Variants in DDX21 observed in about 807,000 individuals in gnomAD.
The protein encoded by DDX21 is nucleolar RNA helicase 2.
A neutral mutation model predicts 90.0 loss-of-function variants in DDX21; 18 were observed. That is an observed-to-expected ratio of 0.20 (90% CI 0.14 to 0.30). DDX21 has a LOEUF of 0.30. Ranked by LOEUF, DDX21 falls within the 10% of genes least tolerant of loss-of-function variation. The pLI is 1.00. For synonymous variants in DDX21, 294 were observed against 318.0 expected, an observed-to-expected ratio of 0.92 and a Z score of 0.80; for missense variants, 673 against 944.5, an observed-to-expected ratio of 0.71 and a Z score of 3.77.
At chr10:68,963,968 CGG>C in intron 4 of DDX21, 1 of 200,024 alleles carries the variant, frequency 5.0e-6, no homozygotes, top group Non-Finnish European at 1.0e-5. Context: ...GGCGTGGTGG[CGG>C]GCGCGTGTAG....
chr10:68,957,500 A>G (rs1842814313), intron 1 of DDX21, among the ~76,000 whole-genome samples: 1 of 152,112 alleles, frequency 6.6e-6, no homozygotes, highest in South Asian at 2.1e-4. Context: ...CTGTCTTTTG[A>G]TATGGAGTTC....
intron 11 of DDX21, among the ~76,000 whole-genome samples, chr10:68,976,682 A>T (rs141063287): frequency 6.6e-6 from 1 of 152,230 alleles, no homozygotes; most frequent in African/African-American, 2.4e-5. Flanking sequence ...GGTGCCAGTT[A>T]AGGAGAGTTG....
chr10:68,957,857 T>A (rs1024037969), intron 1 of DDX21, among the ~76,000 whole-genome samples: 1 of 152,196 alleles, frequency 6.6e-6, no homozygotes, highest in African/African-American at 2.4e-5. Flanking sequence ...CTTCCAACAT[T>A]GTTCTGGGGC....
At chr10:68,973,699 T>A in intron 10 of DDX21, 35 bp downstream of exon 10, 5 of 1,601,124 alleles carry the variant, frequency 3.1e-6, no homozygotes, top group Non-Finnish European at 4.3e-6. Context: ...AAGCAAATGT[T>A]GAGTTCTAAA....
intron 1 of DDX21, among the ~76,000 whole-genome samples, chr10:68,958,154 G>A (rs368162622): frequency 2.0e-5 from 3 of 151,718 alleles, no homozygotes; most frequent in South Asian, 2.1e-4. Flanking sequence ...TTTTGCTGTC[G>A]TTGCCCAGGC....
In DDX21 at chr10:68,983,517, G is replaced by A. The variant is rs2132099971; in HGVS notation, c.*705G>A. 1 of 152,118 alleles carries A rather than the reference G, an allele frequency of 6.6e-6. No homozygotes were observed. The highest frequency in any genetic ancestry group is 2.1e-4 in the South Asian group (1 of 4,818). The allele number at this position is 152,118 out of a possible 1,614,324, so 9.4% of individuals were successfully genotyped here. ...ATATAAAAGTACATTTTAATAGAAA[G>A]CCAGGGTTTTAAGGAATTTCACATG... On this transcript the variant is annotated 3_prime_UTR_variant, in exon 15 of 15. Coordinates refer to ENST00000354185, the MANE Select transcript of DDX21 (RefSeq NM_004728.4).
rs757264306 is a variant in DDX21, at chr10:68,965,386, C to G, written c.796C>G (p.Leu266Val). 6.2e-7 allele frequency: 1 copy of G among 1,613,476 alleles called. No homozygotes were observed. Among genetic ancestry groups the G allele is most frequent in the South Asian group, 1.1e-5 (1 of 91,058 alleles). ...TATTTTTCTTTATCAGGTACTGGTT[C>G]TTGCACCTACAAGAGAGTTGGCAAA... Reference protein sequence around the residue: ...KRGRAPQVLVLAPTRELANQV... With the variant: ...KRGRAPQVLVVAPTRELANQV... Residue 266 changes from leucine to valine, a missense_variant, in exon 5 of 15, where the codon CTT becomes GTT. Coordinates refer to ENST00000354185, the MANE Select transcript of DDX21 (RefSeq NM_004728.4).
chr10:68,967,291 A>G, intron 6 of DDX21, 88 bp downstream of exon 6: 1 of 1,315,770 alleles, frequency 7.6e-7, no homozygotes, highest in Non-Finnish European at 1.0e-6. Flanking sequence ...CTCATGCCTC[A>G]GCCACCCTAG....
chr10:68,964,883 C>T (rs774600860), intron 4 of DDX21, among the ~76,000 whole-genome samples: 3 of 152,018 alleles, frequency 2.0e-5, no homozygotes, highest in Non-Finnish European at 2.9e-5. Context: ...AACTCCTGAC[C>T]ACCCACCTTG....
Position 68,960,206 on chromosome 10 carries a change from C to T in DDX21, c.488C>T (p.Pro163Leu). 6.2e-7 allele frequency: 1 copy of T among 1,608,286 alleles called. No homozygotes were observed. The highest frequency in any genetic ancestry group is 1.1e-5 in the South Asian group (1 of 89,844). The change falls in exon 2 of 15, where the codon CCC becomes CTC. Residue 163 changes from proline to leucine, a missense_variant. This residue lies in a region of DDX21 where 204 missense variants were observed against 221.6 expected (regional missense o/e 0.92). Coordinates refer to ENST00000354185, the MANE Select transcript of DDX21 (RefSeq NM_004728.4). ...GFPHPEPDCN[P>L]SEAASEESNS... ...CCTCATCCTGAACCGGACTGTAACC[C>T]CAGTGAAGCTGCCAGTGAAGAAAGT...
chr10:68,963,336 A>G lies in DDX21; in HGVS notation c.653A>G (p.His218Arg), dbSNP rs764566582. 5.6e-6 allele frequency: 9 copies of G among 1,614,048 alleles called. No homozygotes were observed. The Admixed American group carries it at 6.7e-5, about 12-fold the overall frequency. Reference protein sequence around the residue: ...FLFPIQAKTFHHVYSGKDLIA... With the variant: ...FLFPIQAKTFRHVYSGKDLIA... ...TTTCCTATACAAGCAAAGACATTCC[A>G]TCATGTTTACAGCGGGAAGGACTTA... Residue 218 changes from histidine (H) to arginine (R), a missense_variant, in exon 4 of 15, where the codon CAT becomes CGT. Transcript: ENST00000354185.
intron 7 of DDX21, among the ~76,000 whole-genome samples, chr10:68,969,920 C>T (rs1842998195): frequency 6.6e-6 from 1 of 152,158 alleles, no homozygotes; most frequent in Non-Finnish European, 1.5e-5. Context: ...CATTTCCTTT[C>T]CTGCATTTTC....
chr10:68,963,279 AT>A lies in DDX21; in HGVS notation c.608-9del. On this transcript the variant is annotated splice_polypyrimidine_tract_variant and intron_variant, in intron 3 of 14. Transcript: ENST00000354185. ...ATTGCAGTGTGAGATAACACAGTTA[AT>A]TTGTTCATAGGCCGAGGAGTGACCT... The A allele has an allele frequency of 6.2e-7, 1 of 1,600,308 alleles. No homozygotes were observed. Among genetic ancestry groups the A allele is most frequent in the Non-Finnish European group, 8.5e-7 (1 of 1,173,666 alleles).
chr10:68,979,578 C>G (rs1020962187), intron 13 of DDX21, among the ~76,000 whole-genome samples: 3 of 152,184 alleles, frequency 2.0e-5, no homozygotes, highest in Non-Finnish European at 1.5e-5. Context: ...TCATATATGT[C>G]TAGGAAACTC....
chr10:68,970,452 A>G, intron 8 of DDX21, 102 bp downstream of exon 8: 6 of 1,090,106 alleles, frequency 5.5e-6, no homozygotes, highest in Non-Finnish European at 7.6e-6. Flanking sequence ...AGTGAATACC[A>G]GTTTAGTTTA....
chr10:68,970,313 A>G lies in DDX21; in HGVS notation c.1349A>G (p.Glu450Gly), dbSNP rs756364519. 6.2e-7 allele frequency: 1 copy of G among 1,614,168 alleles called. No homozygotes were observed. Among genetic ancestry groups the G allele is most frequent in the East Asian group, 2.2e-5 (1 of 44,888 alleles). The change falls in exon 8 of 15, where the codon GAA becomes GGA. Residue 450 changes from glutamate to glycine, a missense_variant. By Grantham distance (98) the Glu-to-Gly change is moderately conservative (BLOSUM62 -2). Coordinates refer to ENST00000354185, the MANE Select transcript of DDX21 (RefSeq NM_004728.4). ...RTIIFCETKKEAQELSQNSAI... is the reference protein window; with the variant it reads ...RTIIFCETKKGAQELSQNSAI... ...ATCATCTTTTGTGAAACCAAGAAAGAAGCCCAGGAGCTGTCCCAGAATTCA... is the reference window on the plus strand; with the variant it reads ...ATCATCTTTTGTGAAACCAAGAAAGGAGCCCAGGAGCTGTCCCAGAATTCA...
At chr10:68,959,681 G>A (rs1015788295) in intron 1 of DDX21, 125 bp from the exon 2 acceptor site, 17 of 760,654 alleles carry the variant, frequency 2.2e-5, no homozygotes, top group Admixed American at 3.7e-5. Context: ...TACAAATGTC[G>A]AAATGCCCCA....
intron 13 of DDX21, among the ~76,000 whole-genome samples, chr10:68,980,455 C>T (rs1843169560): frequency 6.6e-6 from 1 of 152,102 alleles, no homozygotes; most frequent in African/African-American, 2.4e-5. Flanking sequence ...TTTCTAATTA[C>T]CTCTATACCC....
intron 1 of DDX21, among the ~76,000 whole-genome samples, chr10:68,957,904 T>C (rs1842820515): frequency 6.6e-6 from 1 of 152,186 alleles, no homozygotes; most frequent in African/African-American, 2.4e-5. Context: ...CTACAACACA[T>C]GTCTAATTGT....
Sources: allele counts gnomAD v4.1 joint callset (sites outside exome capture counted in the v4.1 genomes callset), GRCh38; gene constraint gnomAD v4.1.1; regional missense constraint gnomAD v4.1.1; transcripts MANE v1.5; gene names NCBI Gene and HGNC (gene_info 2026-07-23, HGNC 2026-07-21).